The following PIN4 variants were observed in gnomAD, a reference collection of about 807,000 sequenced individuals.
PIN4 encodes the protein peptidylprolyl cis/trans isomerase, NIMA-interacting 4, also known as peptidyl-prolyl cis-trans isomerase NIMA-interacting 4.
In PIN4, 3 loss-of-function variants were observed where a neutral mutation model predicts 8.3. That is an observed-to-expected ratio of 0.36 (90% confidence interval 0.16 to 0.93). The LOEUF (loss-of-function observed/expected upper bound fraction) is 0.93. PIN4 is among the 40% of genes least tolerant of loss of function. The pLI is 0.44. For missense variants in PIN4, 75 were observed against 100.6 expected (o/e 0.75, Z 1.09); for synonymous variants, 18 against 32.5 (o/e 0.55, Z 1.52).
chrX:72,216,065 A>G (rs1050501429), intron 3 of PIN4, among the ~76,000 whole-genome samples: 1 of 110,660 alleles, frequency 9.0e-6, no homozygotes, highest in Admixed American at 9.7e-5. Context: ...GTCCTCCAAA[A>G]TTTCATGTCA....
intron 3 of PIN4, 94 bp downstream of exon 3, chrX:72,196,998 C>T: frequency 1.3e-6 from 1 of 798,901 alleles, no homozygotes; most frequent in Non-Finnish European, 1.8e-6. Context: ...TCTCCATCCT[C>T]CACAGAAGAA....
At chrX:72,238,823 C>G (rs1391589297) in intron 3 of PIN4, 1 of 1,174,105 alleles carries the variant, frequency 8.5e-7, no homozygotes, top group Non-Finnish European at 1.1e-6. Flanking sequence ...TAGCTAGACC[C>G]GCCCAGCGGT....
intron 3 of PIN4, among the ~76,000 whole-genome samples, chrX:72,243,621 A>AG (rs1223888268): frequency 1.8e-5 from 2 of 112,266 alleles, no homozygotes; most frequent in African/African-American, 6.5e-5. Context: ...ATTTTAAAAA[A>AG]CAAAACTTTT....
At chrX:72,192,094 G>GGC (rs1170004185) in intron 2 of PIN4, among the ~76,000 whole-genome samples, 3 of 110,575 alleles carry the variant, frequency 2.7e-5, no homozygotes, top group Admixed American at 9.7e-5. Flanking sequence ...TGGGATTACA[G>GGC]GCATCCACCA....
intron 3 of PIN4, among the ~76,000 whole-genome samples, chrX:72,236,744 A>G (rs1007678109): frequency 8.9e-6 from 1 of 112,053 alleles, no homozygotes; most frequent in African/African-American, 3.2e-5. Flanking sequence ...CTTGAATGAC[A>G]CTGGTTCATT....
At chrX:72,233,604 C>T (rs1223558352) in intron 3 of PIN4, among the ~76,000 whole-genome samples, 2 of 108,557 alleles carry the variant, frequency 1.8e-5, no homozygotes, top group African/African-American at 6.8e-5. Context: ...TGCCTGTAAT[C>T]CCAGCTACTC....
At position 72,237,831 on chromosome X, in the gene PIN4, C is replaced by T. The variant is rs1016857752; in HGVS notation, c.313-24876C>T. 3 of 111,386 alleles carry T rather than the reference C, an allele frequency of 2.7e-5. No individual in the cohort carries two copies. The East Asian group carries it at 8.4e-4, about 31-fold the overall frequency. 9.2% of individuals were successfully genotyped at this position (111,386 alleles called of 1,213,427 possible). A position where few individuals can be genotyped will look rare whatever the true frequency, so the allele number is the denominator to read the frequency against. ...ATTGGCTGGACATGGTGGCACCCACCTTAAGTCCCAGCTACTAGGGAGGCT... is the reference window on the plus strand; with the variant it reads ...ATTGGCTGGACATGGTGGCACCCACTTTAAGTCCCAGCTACTAGGGAGGCT... On this transcript the variant is annotated intron_variant, in intron 3 of 3. Transcript: ENST00000423432.
intron 2 of PIN4, among the ~76,000 whole-genome samples, chrX:72,195,505 G>A (rs2042759711): frequency 9.0e-6 from 1 of 110,739 alleles, no homozygotes; most frequent in Non-Finnish European, 1.9e-5. Flanking sequence ...AGCTGGGCGT[G>A]GTGGTGCGCA....
At chrX:72,226,617 T>C (rs141747729) in intron 3 of PIN4, among the ~76,000 whole-genome samples, 9 of 111,731 alleles carry the variant, frequency 8.1e-5, no homozygotes, top group Non-Finnish European at 1.7e-4. Flanking sequence ...CAGTTATCCA[T>C]TGCAAAGGAC....
chrX:72,238,929 C>G, intron 3 of PIN4: 1 of 1,175,415 alleles, frequency 8.5e-7, no homozygotes, highest in Non-Finnish European at 1.1e-6. Context: ...GGATTGGGTT[C>G]CAGTTACCCC....
At chrX:72,253,153 T>C (rs866001500) in intron 3 of PIN4, among the ~76,000 whole-genome samples, 1 of 111,408 alleles carries the variant, frequency 9.0e-6, no homozygotes, top group African/African-American at 3.3e-5. Flanking sequence ...AGAAACATCA[T>C]CTCTTTCCCT....
chrX:72,233,697 G>A (rs1268022854), intron 3 of PIN4, among the ~76,000 whole-genome samples: 6 of 95,113 alleles, frequency 6.3e-5, no homozygotes, highest in South Asian at 5.9e-4. Flanking sequence ...ACTCCAGCCC[G>A]GATGACACTG....
chrX:72,251,228 T>C, intron 3 of PIN4, among the ~76,000 whole-genome samples: 1 of 105,911 alleles, frequency 9.4e-6, no homozygotes, highest in Admixed American at 1.0e-4. Flanking sequence ...CCGGGCGTGG[T>C]GGCGGGCGCC....
chrX:72,259,172 T>G (rs999228611), intron 3 of PIN4, among the ~76,000 whole-genome samples: 13 of 110,229 alleles, frequency 1.2e-4, no homozygotes, highest in African/African-American at 4.0e-4. Flanking sequence ...AAACAACACA[T>G]TCTTGTTGGC....
At chrX:72,190,012 A>G (rs1443267208) in intron 2 of PIN4, among the ~76,000 whole-genome samples, 1 of 110,207 alleles carries the variant, frequency 9.1e-6, no homozygotes, top group Admixed American at 9.7e-5. Flanking sequence ...AGACCCATCC[A>G]CTGACCACAG....
intron 3 of PIN4, chrX:72,205,099 A>T: frequency 8.3e-7 from 1 of 1,211,662 alleles, no homozygotes; most frequent in Non-Finnish European, 1.1e-6. Context: ...CGCTTTAACT[A>T]AGCAGTTTAG....
chrX:72,183,916 G>A (rs143944451), intron 1 of PIN4, among the ~76,000 whole-genome samples: 227 of 111,254 alleles, frequency 2.0e-3, no homozygotes, highest in African/African-American at 7.1e-3. Flanking sequence ...CAGGGACTCA[G>A]TAGGCATCTT....
At chrX:72,188,424 C>G in intron 2 of PIN4, among the ~76,000 whole-genome samples, 1 of 110,751 alleles carries the variant, frequency 9.0e-6, no homozygotes, top group Non-Finnish European at 1.9e-5. Flanking sequence ...ATGGCACGAT[C>G]TCGGCTCACT....
chrX:72,244,196 A>T (rs1321911130), intron 3 of PIN4, among the ~76,000 whole-genome samples: 1 of 112,092 alleles, frequency 8.9e-6, no homozygotes, highest in African/African-American at 3.2e-5. Flanking sequence ...GTGAAGATGG[A>T]CTTGAAACAA....
Sources: allele counts gnomAD v4.1 joint callset (sites outside exome capture counted in the v4.1 genomes callset), GRCh38; gene constraint gnomAD v4.1.1; transcripts MANE v1.5; gene names NCBI Gene and HGNC (gene_info 2026-07-23, HGNC 2026-07-21).